The following CAB39 variants were observed in gnomAD, a reference collection of about 807,000 sequenced individuals.
CAB39 encodes calcium-binding protein 39.
In CAB39, 8 loss-of-function variants were observed where a neutral mutation model predicts 40.0. The ratio of observed to expected loss-of-function variants is 0.20; its 90% CI spans 0.12 to 0.36. The LOEUF (loss-of-function observed/expected upper bound fraction) is 0.36, where lower values mean the gene tolerates loss of function less well. Ranked by LOEUF, CAB39 falls within the 10% of genes least tolerant of loss-of-function variation. The pLI, the probability that CAB39 is intolerant of heterozygous loss-of-function variation, is 1.00. For missense variants in CAB39, 270 were observed against 401.1 expected (o/e 0.67, Z 2.79); for synonymous variants, 156 against 141.6 (o/e 1.10, Z -0.72).
intron 2 of CAB39, among the ~76,000 whole-genome samples, chr2:230,772,035 T>C (rs1415855262): frequency 1.3e-5 from 2 of 152,160 alleles, no homozygotes; most frequent in South Asian, 2.1e-4. Flanking sequence ...TTGGATGTTA[T>C]GCAAAAAGCA....
intron 5 of CAB39, among the ~76,000 whole-genome samples, chr2:230,799,765 C>T (rs1696053339): frequency 1.3e-5 from 2 of 151,954 alleles, no homozygotes; most frequent in Admixed American, 6.6e-5. Context: ...CTGAGGCGGG[C>T]GGATGACCTG....
intron 5 of CAB39, among the ~76,000 whole-genome samples, chr2:230,809,571 A>G (rs1251504439): frequency 6.6e-6 from 1 of 152,210 alleles, no homozygotes; most frequent in Non-Finnish European, 1.5e-5. Context: ...TTGAAGCCCT[A>G]GCACCTAGAG....
intron 5 of CAB39, among the ~76,000 whole-genome samples, chr2:230,799,851 G>T (rs747731014): frequency 6.6e-6 from 1 of 152,036 alleles, no homozygotes; most frequent in Non-Finnish European, 1.5e-5. Context: ...TCAGCCGGGC[G>T]TAGTGGCGCA....
chr2:230,736,904 C>G (rs1180067895), intron 1 of CAB39, among the ~76,000 whole-genome samples: 8 of 152,164 alleles, frequency 5.3e-5, no homozygotes, highest in African/African-American at 1.7e-4. Context: ...ATGATTCATG[C>G]TGCCAACCTT....
At chr2:230,746,515 G>T (rs566313523) in intron 1 of CAB39, among the ~76,000 whole-genome samples, 1 of 152,188 alleles carries the variant, frequency 6.6e-6, no homozygotes, top group African/African-American at 2.4e-5. Context: ...TGGGTATTAC[G>T]TGAAGCCATC....
chr2:230,793,380 G>C, intron 4 of CAB39, 49 bp downstream of exon 4: 1 of 897,280 alleles, frequency 1.1e-6, no homozygotes, highest in Non-Finnish European at 1.7e-6. Flanking sequence ...CATAAAGGAA[G>C]GATTGCCTTG....
chr2:230,794,646 G>A (rs1270361391), intron 4 of CAB39, among the ~76,000 whole-genome samples: 1 of 152,178 alleles, frequency 6.6e-6, no homozygotes, highest in Non-Finnish European at 1.5e-5. Context: ...TTCCAGCCAG[G>A]AAGTAGCATG....
intron 5 of CAB39, 164 bp downstream of exon 5, chr2:230,799,061 C>A: frequency 3.8e-6 from 2 of 533,126 alleles, no homozygotes; most frequent in Non-Finnish European, 6.5e-6. Flanking sequence ...AGTAAAGTCA[C>A]AGCTTTAAAA....
At chr2:230,804,779 A>G (rs1696160059) in intron 5 of CAB39, among the ~76,000 whole-genome samples, 1 of 152,224 alleles carries the variant, frequency 6.6e-6, no homozygotes, top group Non-Finnish European at 1.5e-5. Context: ...AGAAATAGGG[A>G]CACTTTTACA....
At chr2:230,810,137 T>C (rs948219855) in intron 5 of CAB39, 126 bp from the exon 6 acceptor site, 2 of 556,876 alleles carry the variant, frequency 3.6e-6, no homozygotes, top group African/African-American at 4.0e-5. Context: ...ATACAATTCA[T>C]GCTAAAATGT....
chr2:230,743,985 T>C (rs1287687068), intron 1 of CAB39, among the ~76,000 whole-genome samples: 2 of 150,584 alleles, frequency 1.3e-5, no homozygotes, highest in Non-Finnish European at 3.0e-5. Context: ...AATGGCACGA[T>C]CTCAGCTCAC....
intron 2 of CAB39, among the ~76,000 whole-genome samples, chr2:230,762,127 C>T (rs939754773): frequency 2.0e-5 from 3 of 152,044 alleles, no homozygotes; most frequent in Non-Finnish European, 4.4e-5. Context: ...AGGCTGGTCT[C>T]GAACTCCGCA....
chr2:230,718,571 A>G (rs1010885867), intron 1 of CAB39, among the ~76,000 whole-genome samples: 11 of 152,180 alleles, frequency 7.2e-5, no homozygotes, highest in Non-Finnish European at 1.3e-4. Context: ...CCTTCTGTCT[A>G]GCTTGAATTC....
chr2:230,804,361 T>C (rs1036079016), intron 5 of CAB39, among the ~76,000 whole-genome samples: 2 of 152,088 alleles, frequency 1.3e-5, no homozygotes, highest in Non-Finnish European at 2.9e-5. Flanking sequence ...ATGACTAAAA[T>C]ACCAAAAGCA....
At chr2:230,785,857 G>GT (rs529689654) in intron 2 of CAB39, among the ~76,000 whole-genome samples, 1,523 of 147,948 alleles carry the variant, frequency 0.01, 11 homozygotes, top group Middle Eastern at 0.021. Context: ...TAACTTTTGT[G>GT]TTTTTTTTTT....
In CAB39 at chr2:230,778,231, C is replaced by T. The variant is rs1041568174; in HGVS notation, c.115-12641C>T. Among the ~76,000 whole-genome samples the T allele has an allele frequency of 4.6e-5, 7 of 152,174 alleles. 1 individual carries two copies. Among genetic ancestry groups the T allele is most frequent in the African/African-American group, 1.7e-4 (7 of 41,432 alleles). On this transcript the variant is annotated intron_variant, in intron 2 of 8. Coordinates refer to ENST00000258418, the MANE Select transcript of CAB39 (RefSeq NM_016289.4). ...AAGAGGGCAGCCCAGTCTTGTATCT[C>T]ACCAAGTAAAGTCCTGTCCCTTCAT...
intron 1 of CAB39, chr2:230,725,386 C>A: frequency 6.2e-7 from 1 of 1,600,522 alleles, no homozygotes; most frequent in South Asian, 1.1e-5. Flanking sequence ...AGTCTCGGTG[C>A]TTTTGGGAGG....
At chr2:230,736,359 A>G (rs1449395689) in intron 1 of CAB39, among the ~76,000 whole-genome samples, 1 of 152,128 alleles carries the variant, frequency 6.6e-6, no homozygotes, top group Non-Finnish European at 1.5e-5. Flanking sequence ...AAAATTAGGG[A>G]TATGTTTCCT....
intron 7 of CAB39, among the ~76,000 whole-genome samples, 180 bp downstream of exon 7, chr2:230,814,294 T>A (rs995119398): frequency 3.3e-5 from 5 of 152,154 alleles, no homozygotes; most frequent in Non-Finnish European, 7.3e-5. Context: ...TGGAGCACTT[T>A]CCTGCTTCCT....
Sources: gnomAD v4.1 joint callset for allele counts (sites outside exome capture counted in the v4.1 genomes callset) on GRCh38, gnomAD v4.1.1 for gene constraint, MANE v1.5 for transcripts, NCBI Gene and HGNC (gene_info 2026-07-23, HGNC 2026-07-21) for gene names.